RAD51B: variants seen among roughly 807,000 people sequenced by gnomAD.
The protein encoded by RAD51B is DNA repair protein RAD51 homolog 2.
A neutral mutation model predicts 42.2 loss-of-function variants in RAD51B; 38 were observed. The ratio of observed to expected loss-of-function variants is 0.90; its 90% CI spans 0.70 to 1.18. The LOEUF (loss-of-function observed/expected upper bound fraction) is 1.18, where lower values mean the gene tolerates loss of function less well. Among genes scored for constraint, RAD51B ranks in the 50% most tolerant of loss-of-function variants. RAD51B has a pLI of 0.00. For synonymous variants in RAD51B, 154 were observed against 145.2 expected, an observed-to-expected ratio of 1.06 and a Z score of -0.43; for missense variants, 373 against 400.7, an observed-to-expected ratio of 0.93 and a Z score of 0.59.
chr14:67,863,360 T>G (rs1294868721), intron 4 of RAD51B, among the ~76,000 whole-genome samples: 2 of 152,086 alleles, frequency 1.3e-5, no homozygotes, highest in East Asian at 3.9e-4. Context: ...TATAATAACA[T>G]CAGCATTACC....
At chr14:67,824,953 C>T (rs1408040813) in intron 2 of RAD51B, among the ~76,000 whole-genome samples, 1 of 151,762 alleles carries the variant, frequency 6.6e-6, no homozygotes, top group African/African-American at 2.4e-5. Context: ...TAGTGAGTGC[C>T]TGTAGTCCCA....
intron 7 of RAD51B, among the ~76,000 whole-genome samples, chr14:68,193,036 T>C (rs2079298157): frequency 6.6e-6 from 1 of 152,210 alleles, no homozygotes; most frequent in African/African-American, 2.4e-5. Context: ...TACTTTTTAC[T>C]GATAACATTT....
chr14:68,086,160 A>C (rs892886610), intron 7 of RAD51B, among the ~76,000 whole-genome samples: 1 of 152,174 alleles, frequency 6.6e-6, no homozygotes, highest in African/African-American at 2.4e-5. Flanking sequence ...AGATGGGGGA[A>C]GCCAGAAGGG....
At chr14:67,901,532 A>G (rs1037593285) in intron 7 of RAD51B, among the ~76,000 whole-genome samples, 9 of 152,170 alleles carry the variant, frequency 5.9e-5, no homozygotes, top group Non-Finnish European at 1.2e-4. Flanking sequence ...CTGTTGAACA[A>G]TAGACCTCTC....
At chr14:67,956,222 G>A (rs370997262) in intron 7 of RAD51B, among the ~76,000 whole-genome samples, 19 of 152,138 alleles carry the variant, frequency 1.2e-4, no homozygotes, top group Non-Finnish European at 2.1e-4. Context: ...GTATCTGGCC[G>A]GGTGTGGTGG....
intron 7 of RAD51B, among the ~76,000 whole-genome samples, chr14:68,152,415 A>C (rs1374701353): frequency 2.6e-5 from 4 of 152,002 alleles, no homozygotes; most frequent in Admixed American, 1.3e-4. Flanking sequence ...TTAGCCTTTG[A>C]GTTATTCTTT....
chr14:68,623,308 A>G (rs187444863), intron 10 of RAD51B, among the ~76,000 whole-genome samples: 267 of 152,300 alleles, frequency 1.8e-3, no homozygotes, highest in Non-Finnish European at 2.8e-3. Flanking sequence ...AACTCAAAAC[A>G]TACCCACAGT....
At chr14:68,540,418 T>G (rs1887900549) in intron 10 of RAD51B, 1 of 985,070 alleles carries the variant, frequency 1.0e-6, no homozygotes, top group Admixed American at 6.2e-5. Flanking sequence ...CAGCCCTCCC[T>G]TATTCAATTT....
chr14:68,010,028 T>C (rs1471192269), intron 7 of RAD51B, among the ~76,000 whole-genome samples: 1 of 151,932 alleles, frequency 6.6e-6, no homozygotes, highest in Non-Finnish European at 1.5e-5. Context: ...TTGTGAACAA[T>C]TGAGTAGTTT....
At chr14:68,016,311 T>C (rs1171645385) in intron 7 of RAD51B, among the ~76,000 whole-genome samples, 2 of 152,166 alleles carry the variant, frequency 1.3e-5, no homozygotes, top group Non-Finnish European at 2.9e-5. Flanking sequence ...GCCCCCAGTT[T>C]GTTCCATTTT....
intron 11 of RAD51B, among the ~76,000 whole-genome samples, chr14:68,673,918 T>C (rs1047722307): frequency 1.0e-4 from 15 of 150,554 alleles, no homozygotes; most frequent in South Asian, 2.1e-4. Flanking sequence ...TACACACACA[T>C]ATGTATATGT....
intron 10 of RAD51B, chr14:68,540,240 G>C: frequency 1.0e-6 from 1 of 1,004,162 alleles, no homozygotes. Flanking sequence ...GCAAACATAG[G>C]ATCGTCTGAG....
intron 7 of RAD51B, among the ~76,000 whole-genome samples, chr14:68,261,640 G>A (rs139096748): frequency 1.3e-5 from 2 of 152,154 alleles, no homozygotes; most frequent in Non-Finnish European, 2.9e-5. Context: ...GAGGTTTAAG[G>A]GATTTTCCAG....
intron 4 of RAD51B, among the ~76,000 whole-genome samples, chr14:67,845,550 C>T (rs1764681975): frequency 6.6e-6 from 1 of 152,030 alleles, no homozygotes. Context: ...TGCCTGTAGT[C>T]CCAGCTACTC....
chr14:68,388,913 CGAT>C (rs2140008496), intron 8 of RAD51B, among the ~76,000 whole-genome samples: 1 of 152,224 alleles, frequency 6.6e-6, no homozygotes, highest in Non-Finnish European at 1.5e-5. Context: ...AGATGGCAAA[CGAT>C]GTTGTTATTC....
At chr14:67,927,812 C>A (rs1434795573) in intron 7 of RAD51B, among the ~76,000 whole-genome samples, 1 of 148,544 alleles carries the variant, frequency 6.7e-6, no homozygotes, top group East Asian at 1.9e-4. Flanking sequence ...TGGTTCCATA[C>A]AAATTTTAGG....
intron 7 of RAD51B, among the ~76,000 whole-genome samples, chr14:68,003,689 T>G (rs997255433): frequency 1.3e-5 from 2 of 152,228 alleles, no homozygotes; most frequent in African/African-American, 4.8e-5. Context: ...TTGAGGTATG[T>G]TTCTTCAATA....
chr14:68,517,497 G>A (rs2036239730), intron 10 of RAD51B, among the ~76,000 whole-genome samples: 2 of 152,078 alleles, frequency 1.3e-5, no homozygotes, highest in Admixed American at 1.3e-4. Context: ...GTATTATTAT[G>A]AAATATTATC....
At chr14:67,990,752 T>C (rs2075282287) in intron 7 of RAD51B, among the ~76,000 whole-genome samples, 1 of 152,194 alleles carries the variant, frequency 6.6e-6, no homozygotes, top group African/African-American at 2.4e-5. Flanking sequence ...TGTAAGTACT[T>C]TGGGATTTTT....
Sources: allele counts gnomAD v4.1 joint callset (sites outside exome capture counted in the v4.1 genomes callset), GRCh38; gene constraint gnomAD v4.1.1; transcripts MANE v1.5; gene names NCBI Gene and HGNC (gene_info 2026-07-23, HGNC 2026-07-21).